DIP2B: variants seen among roughly 807,000 people sequenced by gnomAD.
DIP2B encodes disco-interacting protein 2 homolog B.
In DIP2B, 76 loss-of-function variants were observed where a neutral mutation model predicts 198.0. The observed-to-expected ratio is 0.38, with a 90% CI of 0.32 to 0.46. The LOEUF is 0.46. Among genes scored for constraint, DIP2B ranks in the 20% least tolerant of loss-of-function variants. The pLI is 0.99. For missense variants in DIP2B, 1,559 were observed against 1,978.4 expected, an observed-to-expected ratio of 0.79 and a Z score of 4.02; for synonymous variants, 701 against 739.1, an observed-to-expected ratio of 0.95 and a Z score of 0.84.
At position 50,678,765 on chromosome 12, in the gene DIP2B, T is replaced by C; in HGVS notation, c.1003T>C (p.Trp335Arg). The change falls in exon 8 of 38, where the codon TGG becomes CGG. Residue 335 changes from tryptophan to arginine, a missense_variant. By Grantham distance (101) the Trp-to-Arg change is moderately radical. Coordinates refer to ENST00000301180, the MANE Select transcript of DIP2B (RefSeq NM_173602.3). ...KGEPLGVICN[W>R]PPALESALQR... is the part of the protein sequence containing the mutation. The stretch of plus-strand genomic sequence containing the variant: ...AGAGCCTTTAGGAGTCATCTGTAAC[T>C]GGCCTCCTGCTCTTGAATCTGCCCT... 6.2e-7 allele frequency: 1 copy of C among 1,614,240 alleles called. No homozygotes were observed. The highest frequency in any genetic ancestry group is 1.3e-5 in the African/African-American group (1 of 75,068).
intron 1 of DIP2B, among the ~76,000 whole-genome samples, chr12:50,623,844 C>T (rs1937877208): frequency 6.6e-6 from 1 of 152,138 alleles, no homozygotes; most frequent in Non-Finnish European, 1.5e-5. Flanking sequence ...TTGTTAGCAG[C>T]ATCCCTGACC....
At chr12:50,632,644 C>A (rs796900065) in intron 2 of DIP2B, among the ~76,000 whole-genome samples, 13 of 151,582 alleles carry the variant, frequency 8.6e-5, no homozygotes, top group African/African-American at 3.1e-4. Flanking sequence ...TCAAGTGATT[C>A]TCCTGCCTCA....
chr12:50,549,486 C>T (rs112342682), intron 1 of DIP2B, among the ~76,000 whole-genome samples: 4,152 of 149,006 alleles, frequency 0.028, 214 homozygotes, highest in African/African-American at 0.1. Context: ...GCTGAGACCG[C>T]GCCACTGCAC....
At chr12:50,573,670 AACAG>A (rs775700548) in intron 1 of DIP2B, among the ~76,000 whole-genome samples, 2 of 152,182 alleles carry the variant, frequency 1.3e-5, no homozygotes, top group Non-Finnish European at 2.9e-5. Context: ...GCATAGTTCA[AACAG>A]ACAGAACCCA....
chr12:50,549,227 G>T (rs1027220516), intron 1 of DIP2B, among the ~76,000 whole-genome samples: 3 of 151,322 alleles, frequency 2.0e-5, no homozygotes, highest in African/African-American at 7.3e-5. Context: ...CCAGCACTTT[G>T]GGAGGCCGAG....
chr12:50,742,436 G>A (rs1490060085), intron 37 of DIP2B, among the ~76,000 whole-genome samples: 2 of 133,930 alleles, frequency 1.5e-5, no homozygotes, highest in Non-Finnish European at 3.1e-5. Flanking sequence ...CCTCTGTAGT[G>A]TTTACCTACT....
intron 1 of DIP2B, among the ~76,000 whole-genome samples, chr12:50,578,030 T>C (rs1227601496): frequency 1.3e-5 from 2 of 152,220 alleles, no homozygotes; most frequent in Non-Finnish European, 2.9e-5. Context: ...TATTTTTTTC[T>C]TTTGAGACAG....
intron 26 of DIP2B, among the ~76,000 whole-genome samples, 154 bp from the exon 27 acceptor site, chr12:50,723,048 C>T (rs1242708024): frequency 1.3e-5 from 2 of 152,072 alleles, no homozygotes; most frequent in African/African-American, 4.8e-5. Flanking sequence ...TTCCTTCTTT[C>T]ACTTTCAATA....
chr12:50,509,661 A>G (rs1478818365), intron 1 of DIP2B, among the ~76,000 whole-genome samples: 3 of 129,692 alleles, frequency 2.3e-5, no homozygotes, highest in Non-Finnish European at 5.1e-5. Flanking sequence ...TTAATGGGGA[A>G]GAGGTGGGAG....
intron 13 of DIP2B, among the ~76,000 whole-genome samples, chr12:50,692,355 C>G (rs151114194): frequency 6.6e-6 from 1 of 151,522 alleles, no homozygotes; most frequent in African/African-American, 2.4e-5. Context: ...TCAAACTTCC[C>G]AAGTTTCTAA....
intron 3 of DIP2B, among the ~76,000 whole-genome samples, chr12:50,651,825 C>T (rs1938458432): frequency 6.6e-6 from 1 of 152,130 alleles, no homozygotes; most frequent in African/African-American, 2.4e-5. Context: ...CCCGCTCAGC[C>T]TCCCAAAGTG....
In DIP2B at chr12:50,745,819, T is replaced by G. The variant is rs1002014568; in HGVS notation, c.*980T>G. The G allele has an allele frequency of 3.3e-5, 5 of 152,328 alleles. No homozygotes were observed. Among genetic ancestry groups the G allele is most frequent in the African/African-American group, 1.2e-4 (5 of 41,462 alleles). 9.4% of individuals were successfully genotyped at this position (152,328 alleles called of 1,614,324 possible). On this transcript the variant is annotated 3_prime_UTR_variant, in exon 38 of 38. Transcript: ENST00000301180. Reference sequence around the variant, plus strand: ...CGATCTTTCAGATTTAGAGTGACTATGTAAGAATTTAGGATTTCCTCTTTT... The same window carrying G: ...CGATCTTTCAGATTTAGAGTGACTAGGTAAGAATTTAGGATTTCCTCTTTT...
At chr12:50,710,777 T>C (rs1478921396) in intron 22 of DIP2B, among the ~76,000 whole-genome samples, 1 of 152,176 alleles carries the variant, frequency 6.6e-6, no homozygotes, top group African/African-American at 2.4e-5. Flanking sequence ...AATTCTGAAT[T>C]ATCAGCTGAT....
At chr12:50,552,985 G>A (rs146438650) in intron 1 of DIP2B, among the ~76,000 whole-genome samples, 2,341 of 152,076 alleles carry the variant, frequency 0.015, 25 homozygotes, top group Non-Finnish European at 0.019. Context: ...ACAGGTGTGC[G>A]CCACCATGCC....
rs367699036 is a variant in DIP2B at position 50,582,145 on chromosome 12, GTTTTTTT to G, written c.101-43813_101-43807del. Among the ~76,000 whole-genome samples, 78 of 77,536 alleles carry G rather than the reference GTTTTTTT, an allele frequency of 1.0e-3. 1 individual carries two copies. The highest frequency in any genetic ancestry group is 4.0e-3 in the East Asian group (11 of 2,784). The allele number at this position is 77,536 out of a possible 152,430, so 50.9% of individuals were successfully genotyped here. On this transcript the variant is annotated intron_variant, in intron 1 of 37. Coordinates refer to ENST00000301180, the MANE Select transcript of DIP2B (RefSeq NM_173602.3). The stretch of plus-strand genomic sequence containing the variant: ...TAATAGCTTCTTTTTCTTTTTTTCT[GTTTTTTT>G]TTTTTTTTTTTTTTTTTGAGTGGAG...
chr12:50,578,743 C>T (rs916191331), intron 1 of DIP2B, among the ~76,000 whole-genome samples: 10 of 151,296 alleles, frequency 6.6e-5, no homozygotes, highest in African/African-American at 1.9e-4. Flanking sequence ...CTCCTGACCT[C>T]GTGATCTGCC....
chr12:50,628,582 T>G (rs865964992), intron 2 of DIP2B, among the ~76,000 whole-genome samples: 3 of 152,268 alleles, frequency 2.0e-5, no homozygotes, highest in Middle Eastern at 3.4e-3. Flanking sequence ...TCTCTCTGTC[T>G]CGTACAGTCA....
chr12:50,573,078 C>G (rs570444870), intron 1 of DIP2B, among the ~76,000 whole-genome samples: 14 of 152,328 alleles, frequency 9.2e-5, no homozygotes, highest in African/African-American at 3.4e-4. Flanking sequence ...TTCTGTGTTT[C>G]CATTCCAGCT....
At position 50,697,533 on chromosome 12, in the gene DIP2B, C is replaced by CTTTT. The variant is rs11306905; in HGVS notation, c.2048+382_2048+385dup. 8.9e-3 allele frequency among the ~76,000 whole-genome samples: 410 copies of CTTTT among 45,960 alleles called. 137 individuals are homozygous for CTTTT. Among genetic ancestry groups the CTTTT allele is most frequent in the African/African-American group, 0.033 (331 of 10,116 alleles). 30.2% of individuals were successfully genotyped at this position (45,960 alleles called of 152,430 possible). A position where few individuals can be genotyped will look rare whatever the true frequency, so the allele number is the denominator to read the frequency against. ...ATGTGTGTGTGTGTATATAGATATACTTTTTTTTTTTTTTTTTTTTTTTTT... is the reference window on the plus strand; with the variant it reads ...ATGTGTGTGTGTGTATATAGATATACTTTTTTTTTTTTTTTTTTTTTTTTTTTTT... On this transcript the variant is annotated intron_variant, in intron 17 of 37. Transcript: ENST00000301180.
Sources: allele counts gnomAD v4.1 joint callset (sites outside exome capture counted in the v4.1 genomes callset), GRCh38; gene constraint gnomAD v4.1.1; transcripts MANE v1.5; gene names NCBI Gene and HGNC (gene_info 2026-07-23, HGNC 2026-07-21).